SH3GL2: variants seen among roughly 807,000 people sequenced by gnomAD.
The protein encoded by SH3GL2 is endophilin-A1.
SH3GL2 carries 24 observed loss-of-function variants against 46.0 expected under a neutral mutation model. That is an observed-to-expected ratio of 0.52 (90% CI 0.38 to 0.73). The LOEUF is 0.73. Ranked by LOEUF, SH3GL2 falls within the 30% of genes least tolerant of loss-of-function variation. The pLI is 0.00. For synonymous variants in SH3GL2, 196 were observed against 147.1 expected (o/e 1.33, Z -2.40); for missense variants, 413 against 424.2 (o/e 0.97, Z 0.23).
chr9:17,703,952 C>T (rs1268863863), intron 1 of SH3GL2, among the ~76,000 whole-genome samples: 1 of 151,994 alleles, frequency 6.6e-6, no homozygotes, highest in Non-Finnish European at 1.5e-5. Flanking sequence ...CCAGAGCAGT[C>T]AGCAAGAGGT....
intron 1 of SH3GL2, among the ~76,000 whole-genome samples, chr9:17,746,367 C>T (rs7027981): frequency 0.14 from 20,706 of 152,008 alleles, 1,561 homozygotes; most frequent in African/African-American, 0.2. Context: ...TGAGTCACTG[C>T]GCCCGGCCCT....
chr9:17,744,013 A>C (rs1236905521), intron 1 of SH3GL2, among the ~76,000 whole-genome samples: 1 of 152,182 alleles, frequency 6.6e-6, no homozygotes, highest in Non-Finnish European at 1.5e-5. Flanking sequence ...TTTGACAACA[A>C]ATGGAATTTT....
chr9:17,734,398 C>T (rs1822266423), intron 1 of SH3GL2, among the ~76,000 whole-genome samples: 1 of 152,106 alleles, frequency 6.6e-6, no homozygotes, highest in South Asian at 2.1e-4. Context: ...AAGTACTTTA[C>T]AATTGACAAA....
At chr9:17,757,452 C>T (rs1823029740) in intron 2 of SH3GL2, among the ~76,000 whole-genome samples, 1 of 148,510 alleles carries the variant, frequency 6.7e-6, no homozygotes, top group African/African-American at 2.4e-5. Context: ...AGAACTCAAA[C>T]AAATTTACAA....
chr9:17,606,955 C>G (rs1189790351), intron 1 of SH3GL2, among the ~76,000 whole-genome samples: 2 of 152,224 alleles, frequency 1.3e-5, no homozygotes, highest in African/African-American at 4.8e-5. Context: ...GATGCAAGCC[C>G]TCCTGTAAAC....
intron 1 of SH3GL2, among the ~76,000 whole-genome samples, chr9:17,599,985 T>C (rs1818640109): frequency 6.6e-6 from 1 of 152,102 alleles, no homozygotes; most frequent in African/African-American, 2.4e-5. Flanking sequence ...TTATGAAATA[T>C]AAAATTAGGA....
At chr9:17,744,233 GA>G (rs1170977594) in intron 1 of SH3GL2, among the ~76,000 whole-genome samples, 3 of 152,208 alleles carry the variant, frequency 2.0e-5, no homozygotes, top group African/African-American at 7.2e-5. Flanking sequence ...TGAGCAAAAT[GA>G]GAGATAGGGA....
At chr9:17,734,775 G>A (rs1284610004) in intron 1 of SH3GL2, among the ~76,000 whole-genome samples, 1 of 152,092 alleles carries the variant, frequency 6.6e-6, no homozygotes, top group Non-Finnish European at 1.5e-5. Flanking sequence ...AGAAGTATAT[G>A]TGTGGTTACC....
At chr9:17,579,520 C>A (rs893321495) in intron 1 of SH3GL2, among the ~76,000 whole-genome samples, 1 of 152,022 alleles carries the variant, frequency 6.6e-6, no homozygotes, top group African/African-American at 2.4e-5. Flanking sequence ...GGGTCCCCGG[C>A]GTCCTGCCTG....
intron 3 of SH3GL2, among the ~76,000 whole-genome samples, chr9:17,783,799 A>T (rs897755914): frequency 1.8e-4 from 28 of 152,206 alleles, no homozygotes; most frequent in Non-Finnish European, 2.1e-4. Context: ...CATGGGTTTG[A>T]AGGAGAGGAG....
At chr9:17,773,920 G>C (rs1196442122) in intron 3 of SH3GL2, among the ~76,000 whole-genome samples, 2 of 152,034 alleles carry the variant, frequency 1.3e-5, no homozygotes, top group East Asian at 1.9e-4. Flanking sequence ...AAGTCTTCGA[G>C]TTCATGAACA....
intron 1 of SH3GL2, among the ~76,000 whole-genome samples, chr9:17,613,709 T>C (rs982020): frequency 0.89 from 136,099 of 152,220 alleles, 62,853 homozygotes; most frequent in East Asian, 1. Context: ...TAATGCTCAT[T>C]ATGGGAGGTG....
Position 17,771,477 on chromosome 9 carries a change from G to T in SH3GL2, c.187+9968G>T, listed in dbSNP as rs111320957. 1.8e-3 allele frequency among the ~76,000 whole-genome samples: 271 copies of T among 152,264 alleles called. 1 individual carries two copies. The highest frequency in any genetic ancestry group is 2.9e-3 in the Admixed American group (44 of 15,300). ...GGGCAAGGTCTTTAGAAATCCCACT[G>T]CAGGACCCTTCTTACAATAAGGATA... On this transcript the variant is annotated intron_variant, in intron 3 of 8. Transcript: ENST00000380607.
chr9:17,674,249 G>T (rs534213001), intron 1 of SH3GL2, among the ~76,000 whole-genome samples: 1 of 150,634 alleles, frequency 6.6e-6, no homozygotes, highest in South Asian at 2.1e-4. Flanking sequence ...CATTTTGTGT[G>T]TATGTGTGTG....
At chr9:17,677,485 C>A (rs1010139780) in intron 1 of SH3GL2, among the ~76,000 whole-genome samples, 6 of 152,084 alleles carry the variant, frequency 3.9e-5, no homozygotes, top group Non-Finnish European at 8.8e-5. Flanking sequence ...TCCCCTTATG[C>A]ATTAAATGAA....
At chr9:17,656,964 A>G (rs1469804948) in intron 1 of SH3GL2, among the ~76,000 whole-genome samples, 1 of 152,168 alleles carries the variant, frequency 6.6e-6, no homozygotes, top group Non-Finnish European at 1.5e-5. Context: ...AAAAAAAATC[A>G]CTGGGTGGAA....
intron 1 of SH3GL2, among the ~76,000 whole-genome samples, chr9:17,740,586 T>TA (rs1165215294): frequency 6.6e-6 from 1 of 152,154 alleles, no homozygotes; most frequent in Non-Finnish European, 1.5e-5. Context: ...GGTGATGCCT[T>TA]TCTATAAATA....
chr9:17,616,073 A>C (rs1818988256), intron 1 of SH3GL2, among the ~76,000 whole-genome samples: 1 of 152,204 alleles, frequency 6.6e-6, no homozygotes, highest in Non-Finnish European at 1.5e-5. Context: ...GCCCTTGATC[A>C]GTAAGGTGGA....
At chr9:17,645,491 T>A (rs909040415) in intron 1 of SH3GL2, among the ~76,000 whole-genome samples, 26 of 152,166 alleles carry the variant, frequency 1.7e-4, no homozygotes, top group Admixed American at 4.6e-4. Context: ...ATTTTGTTTG[T>A]TTTTGCAGTG....
Sources: allele counts gnomAD v4.1 joint callset (sites outside exome capture counted in the v4.1 genomes callset), GRCh38; gene constraint gnomAD v4.1.1; transcripts MANE v1.5; gene names NCBI Gene and HGNC (gene_info 2026-07-23, HGNC 2026-07-21).